The following CELF2 variants were observed in gnomAD, a reference collection of about 807,000 sequenced individuals.
CELF2 encodes the protein CUG triplet repeat RNA-binding protein 2.
A neutral mutation model predicts 62.6 loss-of-function variants in CELF2; 8 were observed. That is an observed-to-expected ratio of 0.13 (90% confidence interval 0.07 to 0.23). The LOEUF (loss-of-function observed/expected upper bound fraction) is 0.23. Among genes scored for constraint, CELF2 ranks in the 10% least tolerant of loss-of-function variants. The pLI is 1.00. For synonymous variants in CELF2, 258 were observed against 250.0 expected (o/e 1.03, Z -0.30); for missense variants, 333 against 671.0 (o/e 0.50, Z 5.56).
Position 11,328,856 on chromosome 10 carries a change from C to T in CELF2, c.1439-70C>T. The T allele has an allele frequency of 2.6e-6, 4 of 1,534,290 alleles. No homozygotes were observed. Among genetic ancestry groups the T allele is most frequent in the African/African-American group, 1.4e-5 (1 of 72,948 alleles). Reference sequence around the variant, plus strand: ...GCTGGCTCTTCAGCCTTCCCCAGAGCTCCAGCCCCCTTTTCTGTTTTCTGC... The same window carrying T: ...GCTGGCTCTTCAGCCTTCCCCAGAGTTCCAGCCCCCTTTTCTGTTTTCTGC... On this transcript the variant is annotated intron_variant, in intron 12 of 12. Transcript: ENST00000633077. The surrounding 1 kb of genome is among the most constrained non-coding windows in gnomAD (Gnocchi z 6.4).
intron 1 of CELF2, among the ~76,000 whole-genome samples, chr10:10,898,627 A>C (rs539319488): frequency 1.3e-5 from 2 of 152,352 alleles, no homozygotes; most frequent in South Asian, 4.1e-4. Flanking sequence ...AAAATACATG[A>C]AACAAACACT....
At chr10:10,833,051 G>GTA (rs1336123311) in intron 1 of CELF2, among the ~76,000 whole-genome samples, 3 of 147,454 alleles carry the variant, frequency 2.0e-5, no homozygotes, top group African/African-American at 7.6e-5. Context: ...GTGTGTGTGT[G>GTA]TATTTTTAAA....
chr10:10,776,513 A>ATATTTG, the CELF2 span: 1 of 154,010 alleles, frequency 6.5e-6, no homozygotes, highest in Non-Finnish European at 1.5e-5. Flanking sequence ...ATTATGTATA[A>ATATTTG]TATTTGTCAA....
At chr10:10,887,343 A>G (rs1022814674) in intron 1 of CELF2, among the ~76,000 whole-genome samples, 4 of 152,208 alleles carry the variant, frequency 2.6e-5, no homozygotes, top group Non-Finnish European at 5.9e-5. Flanking sequence ...CATTGACTTC[A>G]CTGGGCTCCA....
upstream of CELF2, among the ~76,000 whole-genome samples, chr10:11,001,926 C>G (rs1017520328): frequency 6.6e-6 from 1 of 152,142 alleles, no homozygotes; most frequent in African/African-American, 2.4e-5. Flanking sequence ...TCAACTCGAC[C>G]TTCATTTGGA....
At position 11,302,310 on chromosome 10, in the gene CELF2, G is replaced by T. The variant is rs1378715491; in HGVS notation, c.977-11829G>T. Among the ~76,000 whole-genome samples, 1 of 152,174 alleles carries T rather than the reference G, an allele frequency of 6.6e-6. No homozygotes were observed. The highest frequency in any genetic ancestry group is 2.4e-5 in the African/African-American group (1 of 41,434). ...ACCGCATCGGATAGTCCTGACACAC[G>T]TGGTTCTCTAATGTTTGCATGCAAA... On this transcript the variant is annotated intron_variant, in intron 9 of 12. Transcript: ENST00000633077. This position sits in a 1 kb window ranked among gnomAD's most constrained non-coding sequence, Gnocchi z 5.0.
rs1444248506 is a variant in CELF2 at position 11,011,764 on chromosome 10, A to T, written c.53+6324A>T. On this transcript the variant is annotated intron_variant, in intron 1 of 12. Transcript: ENST00000416382. The surrounding 1 kb of genome is among the most constrained non-coding windows in gnomAD (Gnocchi z 4.6). ...TAGTTCTTTTAAGAGAAAGAAAAAAAATTTCCCCTAATGGACTTCATGGGA... is the reference window on the plus strand; with the variant it reads ...TAGTTCTTTTAAGAGAAAGAAAAAATATTTCCCCTAATGGACTTCATGGGA... Among the ~76,000 whole-genome samples the T allele has an allele frequency of 6.6e-6, 1 of 152,202 alleles. No individual in the cohort carries two copies. The highest frequency in any genetic ancestry group is 1.5e-5 in the Non-Finnish European group (1 of 68,028).
the CELF2 span, among the ~76,000 whole-genome samples, chr10:10,483,506 TA>T: frequency 6.6e-6 from 1 of 152,180 alleles, no homozygotes; most frequent in Non-Finnish European, 1.5e-5. Context: ...AATGTTCTAT[TA>T]GCCAATTATT....
At chr10:10,620,484 C>T in the CELF2 span, among the ~76,000 whole-genome samples, 4 of 147,664 alleles carry the variant, frequency 2.7e-5, no homozygotes, top group Non-Finnish European at 3.0e-5. Context: ...GAGATTAGTA[C>T]GTTTACCAGA....
chr10:10,611,223 A>G, the CELF2 span, among the ~76,000 whole-genome samples: 1 of 152,124 alleles, frequency 6.6e-6, no homozygotes, highest in African/African-American at 2.4e-5. Flanking sequence ...TGACTTGGAG[A>G]GGAGTTCTGT....
the CELF2 span, among the ~76,000 whole-genome samples, chr10:10,757,479 A>G: frequency 6.6e-6 from 1 of 152,108 alleles, no homozygotes; most frequent in African/African-American, 2.4e-5. Context: ...AGAATAAAAT[A>G]GACTAACTCT....
At chr10:10,541,167 C>T in the CELF2 span, among the ~76,000 whole-genome samples, 1 of 144,560 alleles carries the variant, frequency 6.9e-6, no homozygotes, top group Non-Finnish European at 1.5e-5. Context: ...GGCGAGAACC[C>T]GGGAGGCGGA....
At chr10:10,731,705 A>G in the CELF2 span, among the ~76,000 whole-genome samples, 2 of 152,188 alleles carry the variant, frequency 1.3e-5, no homozygotes, top group African/African-American at 2.4e-5. Flanking sequence ...GCTACTTTCA[A>G]TCAATAGCAT....
chr10:10,718,246 A>G, the CELF2 span, among the ~76,000 whole-genome samples: 15 of 152,298 alleles, frequency 9.8e-5, no homozygotes, highest in African/African-American at 3.6e-4. Flanking sequence ...AGCAAAGACC[A>G]CTAGTGAATT....
At chr10:10,899,828 T>G (rs1564789839) in intron 1 of CELF2, among the ~76,000 whole-genome samples, 1 of 152,102 alleles carries the variant, frequency 6.6e-6, no homozygotes, top group Non-Finnish European at 1.5e-5. Context: ...AATAACTCAC[T>G]CACTATCATG....
the CELF2 span, among the ~76,000 whole-genome samples, chr10:10,496,828 G>C: frequency 6.6e-6 from 1 of 152,228 alleles, no homozygotes; most frequent in Non-Finnish European, 1.5e-5. Context: ...AGGTTCATTG[G>C]AGGGAGGGTC....
intron 1 of CELF2, among the ~76,000 whole-genome samples, chr10:11,086,610 A>AAAAAAAAAAAAC (rs1594927416): frequency 7.4e-6 from 1 of 134,410 alleles, no homozygotes; most frequent in African/African-American, 2.9e-5. Context: ...AAAAAAAAAA[A>AAAAAAAAAAAAC]CTCCCGACAG....
At chr10:11,326,071 G>C (rs1284510439) in intron 12 of CELF2, 92 bp downstream of exon 12, 5 of 1,278,390 alleles carry the variant, frequency 3.9e-6, no homozygotes, top group South Asian at 1.5e-5. Flanking sequence ...AGCCAGGATA[G>C]GGCCTTCCCC....
In CELF2 at chr10:11,152,622, CTTTA is replaced by C. The variant is rs1185253893; in HGVS notation, c.75-12860_75-12857del. Among the ~76,000 whole-genome samples, 9 of 152,318 alleles carry C rather than the reference CTTTA, an allele frequency of 5.9e-5. No homozygotes were observed. In the East Asian group the frequency reaches 1.7e-3, roughly 29 times the overall value. The stretch of plus-strand genomic sequence containing the variant: ...TTCTTGAACAAAACATAAAAATCTG[CTTTA>C]TTTCTTAGTAATCTTTTCTCCCAAA... On this transcript the variant is annotated intron_variant, in intron 1 of 12. Coordinates refer to ENST00000633077, the MANE Select transcript of CELF2 (RefSeq NM_001326342.2).
Sources: allele counts gnomAD v4.1 joint callset (sites outside exome capture counted in the v4.1 genomes callset), GRCh38; gene constraint gnomAD v4.1.1; non-coding constraint Gnocchi (gnomAD v3.1); transcripts MANE v1.5; gene names NCBI Gene and HGNC (gene_info 2026-07-23, HGNC 2026-07-21).